MYO1B: variants seen among roughly 807,000 people sequenced by gnomAD.
MYO1B encodes the protein myosin IB, also known as unconventional myosin-Ib.
In MYO1B, 72 loss-of-function variants were observed where a neutral mutation model predicts 159.7. That is an observed-to-expected ratio of 0.45 (90% confidence interval 0.37 to 0.55). The LOEUF is 0.55. Ranked by LOEUF, MYO1B falls within the 20% of genes least tolerant of loss-of-function variation. The pLI, the probability that MYO1B is intolerant of heterozygous loss-of-function variation, is 0.00. For missense variants in MYO1B, 1,062 were observed against 1,364.8 expected (o/e 0.78, Z 3.50); for synonymous variants, 468 against 473.8 (o/e 0.99, Z 0.16).
chr2:191,258,153 C>T (rs1686571875), intron 1 of MYO1B, among the ~76,000 whole-genome samples: 1 of 152,150 alleles, frequency 6.6e-6, no homozygotes, highest in Non-Finnish European at 1.5e-5. Flanking sequence ...TTAACACAAA[C>T]TTAGATGGGA....
At chr2:191,363,930 C>A in intron 10 of MYO1B, 55 bp downstream of exon 10, 1 of 1,599,832 alleles carries the variant, frequency 6.3e-7, no homozygotes, top group South Asian at 1.1e-5. Flanking sequence ...TTGAACTTCT[C>A]CCCACTTTTT....
intron 3 of MYO1B, among the ~76,000 whole-genome samples, chr2:191,318,096 A>T (rs1690467817): frequency 6.6e-6 from 1 of 152,212 alleles, no homozygotes; most frequent in South Asian, 2.1e-4. Flanking sequence ...AGAAACTGTA[A>T]ACAAAAAAAG....
chr2:191,362,307 A>G lies in MYO1B; in HGVS notation c.701A>G (p.Tyr234Cys). The change falls in exon 9 of 31, where the codon TAC (tyrosine) becomes TGC (cysteine). Residue 234 changes from tyrosine (Y) to cysteine (C), a missense_variant. Physicochemically the swap from Tyr to Cys is radical, Grantham distance 194 (BLOSUM62 -2). This residue lies in a region of MYO1B where 415 missense variants were observed against 544.0 expected (regional missense o/e 0.76). Coordinates refer to ENST00000392318, the MANE Select transcript of MYO1B (RefSeq NM_001130158.3). Reference protein sequence around the residue: ...KLERDFSRYNYLSLDSAKVNG... With the variant: ...KLERDFSRYNCLSLDSAKVNG... ...GAGAGGGATTTCAGCAGGTATAACT[A>G]CCTGAGTCTGGATTCGGCCAAAGTG... The G allele has an allele frequency of 6.2e-7, 1 of 1,613,876 alleles. No individual in the cohort carries two copies. Among genetic ancestry groups the G allele is most frequent in the Non-Finnish European group, 8.5e-7 (1 of 1,179,806 alleles).
At chr2:191,293,967 A>T (rs1319581850) in intron 2 of MYO1B, among the ~76,000 whole-genome samples, 1 of 152,194 alleles carries the variant, frequency 6.6e-6, no homozygotes, top group Non-Finnish European at 1.5e-5. Flanking sequence ...AAGAATAATT[A>T]GATGTGTTTC....
chr2:191,307,620 CAGTT>C (rs1689728658), intron 3 of MYO1B, among the ~76,000 whole-genome samples: 1 of 152,126 alleles, frequency 6.6e-6, no homozygotes, highest in Admixed American at 6.5e-5. Context: ...ACTAACTACA[CAGTT>C]AGCACAGACC....
intron 15 of MYO1B, 37 bp downstream of exon 15, chr2:191,383,379 A>C: frequency 2.9e-6 from 4 of 1,394,676 alleles, no homozygotes; most frequent in Non-Finnish European, 2.9e-6. Flanking sequence ...AGAATGTTTT[A>C]GTCCTATAAT....
chr2:191,284,263 G>A (rs1688233696), intron 2 of MYO1B, among the ~76,000 whole-genome samples: 1 of 152,214 alleles, frequency 6.6e-6, no homozygotes, highest in Non-Finnish European at 1.5e-5. Context: ...TGTGTCTGTT[G>A]TATATCCATA....
intron 2 of MYO1B, among the ~76,000 whole-genome samples, chr2:191,294,315 CA>C (rs773115360): frequency 1.5e-4 from 23 of 152,196 alleles, no homozygotes; most frequent in Non-Finnish European, 3.2e-4. Context: ...CTGCTAACAG[CA>C]AATCAATATA....
At chr2:191,255,598 C>T (rs779696108) in intron 1 of MYO1B, among the ~76,000 whole-genome samples, 1 of 152,166 alleles carries the variant, frequency 6.6e-6, no homozygotes, top group South Asian at 2.1e-4. Flanking sequence ...TGACTTAAAT[C>T]AAGTTATTAA....
chr2:191,276,112 A>T (rs970660950), intron 1 of MYO1B, among the ~76,000 whole-genome samples: 1 of 152,204 alleles, frequency 6.6e-6, no homozygotes, highest in African/African-American at 2.4e-5. Context: ...TTCTGCTGTT[A>T]TAGTGGCATG....
chr2:191,266,439 T>G (rs540105176), intron 1 of MYO1B, among the ~76,000 whole-genome samples: 9 of 152,158 alleles, frequency 5.9e-5, no homozygotes, highest in Non-Finnish European at 1.3e-4. Flanking sequence ...CGTACCACAA[T>G]GGGGTGGATC....
At chr2:191,263,798 A>G (rs1266987821) in intron 1 of MYO1B, 1 of 152,194 alleles carries the variant, frequency 6.6e-6, no homozygotes, top group East Asian at 1.9e-4. Context: ...CTCCTTATAT[A>G]AATATATGAA....
chr2:191,411,406 A>T (rs1286079456), intron 27 of MYO1B, among the ~76,000 whole-genome samples: 1 of 152,234 alleles, frequency 6.6e-6, no homozygotes, highest in Non-Finnish European at 1.5e-5. Flanking sequence ...CATTAGCTCA[A>T]ACACTTTACT....
chr2:191,287,300 G>A lies in MYO1B; in HGVS notation c.136-8811G>A, dbSNP rs114962370. ...CCCAGCAAGTTGAGAGGCCGAGGTA[G>A]GCGGATCACCCGAGGTCAGGAATTC... On this transcript the variant is annotated intron_variant, in intron 2 of 30. Coordinates refer to ENST00000392318, the MANE Select transcript of MYO1B (RefSeq NM_001130158.3). Among the ~76,000 whole-genome samples the A allele has an allele frequency of 5.0e-3, 759 of 152,192 alleles. 9 individuals carry two copies. Among genetic ancestry groups the A allele is most frequent in the African/African-American group, 0.017 (716 of 41,500 alleles).
chr2:191,400,579 C>A (rs554146421), intron 22 of MYO1B, 111 bp downstream of exon 22: 2 of 1,376,994 alleles, frequency 1.5e-6, no homozygotes, highest in East Asian at 2.3e-5. Context: ...CTACTGAGCA[C>A]GTGTTTGCTT....
At chr2:191,377,329 A>G (rs1694773157) in intron 13 of MYO1B, among the ~76,000 whole-genome samples, 1 of 152,180 alleles carries the variant, frequency 6.6e-6, no homozygotes, top group Admixed American at 6.6e-5. Flanking sequence ...CTTAGTCTTC[A>G]GGGATAAATG....
intron 3 of MYO1B, among the ~76,000 whole-genome samples, chr2:191,316,263 A>G (rs867937920): frequency 6.6e-6 from 1 of 152,212 alleles, no homozygotes; most frequent in South Asian, 2.1e-4. Context: ...CCTTCATTTT[A>G]TGAAAATTTA....
At chr2:191,365,930 GGACT>G (rs1693980813) in intron 11 of MYO1B, among the ~76,000 whole-genome samples, 1 of 152,162 alleles carries the variant, frequency 6.6e-6, no homozygotes, top group Admixed American at 6.6e-5. Context: ...ATCACCTGGT[GGACT>G]GACTGACTAA....
intron 1 of MYO1B, among the ~76,000 whole-genome samples, chr2:191,275,445 A>G (rs1214326943): frequency 1.3e-5 from 2 of 152,184 alleles, no homozygotes; most frequent in Non-Finnish European, 2.9e-5. Context: ...CTAGTAATTA[A>G]TAATAATGAA....
Sources: allele counts gnomAD v4.1 joint callset (sites outside exome capture counted in the v4.1 genomes callset), GRCh38; gene constraint gnomAD v4.1.1; regional missense constraint gnomAD v4.1.1; transcripts MANE v1.5; gene names NCBI Gene and HGNC (gene_info 2026-07-23, HGNC 2026-07-21).